RDX: variants seen among roughly 807,000 people sequenced by gnomAD.
RDX encodes radixin.
RDX carries 32 observed loss-of-function variants against 83.7 expected under a neutral mutation model. That is an observed-to-expected ratio of 0.38 (90% confidence interval 0.29 to 0.51). RDX has a LOEUF of 0.51. Among genes scored for constraint, RDX ranks in the 20% least tolerant of loss-of-function variants. RDX has a pLI of 0.87. For synonymous variants in RDX, 229 were observed against 222.7 expected (o/e 1.03, Z -0.25); for missense variants, 600 against 689.9 (o/e 0.87, Z 1.46).
At chr11:110,264,409 T>C (rs1565322820) in intron 4 of RDX, among the ~76,000 whole-genome samples, 175 bp from the exon 5 acceptor site, 1 of 152,224 alleles carries the variant, frequency 6.6e-6, no homozygotes, top group Non-Finnish European at 1.5e-5. Flanking sequence ...AAAGATTCTA[T>C]GCTCTTGAAT....
intron 15 of RDX, among the ~76,000 whole-genome samples, chr11:110,188,927 A>T (rs1171259953): frequency 1.3e-5 from 2 of 152,102 alleles, no homozygotes; most frequent in African/African-American, 4.8e-5. Context: ...AGACCCTATA[A>T]AGCAACCGCA....
At chr11:110,224,087 G>C (rs1220604386) in intron 14 of RDX, among the ~76,000 whole-genome samples, 2 of 152,040 alleles carry the variant, frequency 1.3e-5, no homozygotes, top group Non-Finnish European at 2.9e-5. Flanking sequence ...GTTGTTTAGA[G>C]TTGTCACAGC....
intron 14 of RDX, among the ~76,000 whole-genome samples, chr11:110,220,810 T>C (rs1372921540): frequency 6.7e-6 from 1 of 149,362 alleles, no homozygotes; most frequent in Non-Finnish European, 1.5e-5. Flanking sequence ...AGAGATTCTC[T>C]TAATGCCTGT....
At chr11:110,177,410 G>A (rs1862797726) in intron 15 of RDX, among the ~76,000 whole-genome samples, 1 of 152,228 alleles carries the variant, frequency 6.6e-6, no homozygotes, top group African/African-American at 2.4e-5. Context: ...ACAGGGTTGT[G>A]GGATGTTCAG....
chr11:110,186,235 C>G (rs1239544558), intron 15 of RDX, among the ~76,000 whole-genome samples: 1 of 152,130 alleles, frequency 6.6e-6, no homozygotes, highest in Non-Finnish European at 1.5e-5. Flanking sequence ...TCAGAGCATC[C>G]CAATGATAAA....
At chr11:110,260,185 C>A (rs1015211479) in intron 5 of RDX, among the ~76,000 whole-genome samples, 1 of 152,012 alleles carries the variant, frequency 6.6e-6, no homozygotes. Flanking sequence ...GGGGTTTCTC[C>A]ATGTTGGTCA....
intron 15 of RDX, among the ~76,000 whole-genome samples, chr11:110,188,405 G>A (rs184748371): frequency 1.3e-4 from 19 of 151,914 alleles, no homozygotes; most frequent in Admixed American, 2.6e-4. Context: ...AAATAACTCC[G>A]GAATGGAAAA....
rs386374875 is a variant in RDX at position 110,220,878 on chromosome 11, T to TAAAA, written c.1748+10991_1748+10994dup. On this transcript the variant is annotated intron_variant, in intron 14 of 15. Transcript: ENST00000528498. Reference sequence around the variant, plus strand: ...AAAACCTGGATCTAAACAGCCTCTGTAAAAAAAAAAAAAAAAAAAAAGTTT... The same window carrying TAAAA: ...AAAACCTGGATCTAAACAGCCTCTGTAAAAAAAAAAAAAAAAAAAAAAAAAGTTT... Among the ~76,000 whole-genome samples the TAAAA allele has an allele frequency of 1.6e-3, 180 of 109,270 alleles. 1 individual carries two copies. Among genetic ancestry groups the TAAAA allele is most frequent in the African/African-American group, 5.1e-3 (152 of 29,636 alleles). The allele number at this position is 109,270 out of a possible 152,430, so 71.7% of individuals were successfully genotyped here. A position where few individuals can be genotyped will look rare whatever the true frequency, so the allele number is the denominator to read the frequency against.
chr11:110,231,818 T>C lies in RDX; in HGVS notation c.*51A>G. 1.9e-6 allele frequency: 3 copies of C among 1,604,946 alleles called. No homozygotes were observed. The highest frequency in any genetic ancestry group is 1.3e-5 in the African/African-American group (1 of 74,888). ...CATCATATCTGCAAAGGCCTGCTTT[T>C]CTCTGTTGGTGGTTCAGCTTATGAA... On this transcript the variant is annotated 3_prime_UTR_variant, in exon 14 of 14. Transcript: ENST00000645495.
chr11:110,271,386 G>A (rs1363636147), intron 3 of RDX, among the ~76,000 whole-genome samples: 1 of 152,080 alleles, frequency 6.6e-6, no homozygotes, highest in East Asian at 1.9e-4. Context: ...CTAAGAAAAA[G>A]TGTACGTGAA....
At chr11:110,222,408 T>G (rs1421084856) in intron 14 of RDX, among the ~76,000 whole-genome samples, 1 of 152,232 alleles carries the variant, frequency 6.6e-6, no homozygotes, top group Non-Finnish European at 1.5e-5. Flanking sequence ...TCCAGAGGAT[T>G]AGGTTCTGGA....
chr11:110,225,654 T>C (rs542824569), downstream of RDX, among the ~76,000 whole-genome samples: 2 of 151,994 alleles, frequency 1.3e-5, no homozygotes, highest in Non-Finnish European at 2.9e-5. Context: ...AAAATAACAA[T>C]TGTTAGTGAG....
chr11:110,236,339 T>G, intron 11 of RDX, 148 bp from the exon 12 acceptor site: 1 of 627,664 alleles, frequency 1.6e-6, no homozygotes, highest in Non-Finnish European at 2.8e-6. Flanking sequence ...AGATCTTAAA[T>G]AGCTTATTTA....
chr11:110,188,530 G>A (rs1215511044), intron 15 of RDX, among the ~76,000 whole-genome samples: 1 of 151,862 alleles, frequency 6.6e-6, no homozygotes, highest in Non-Finnish European at 1.5e-5. Context: ...GGGGGGTGAG[G>A]GATAAAAGAC....
intron 7 of RDX, 50 bp from the exon 8 acceptor site, chr11:110,255,435 A>C: frequency 9.9e-7 from 1 of 1,006,016 alleles, no homozygotes; most frequent in Non-Finnish European, 1.6e-6. Context: ...ACAATGAATA[A>C]AATTCCTGTT....
downstream of RDX, among the ~76,000 whole-genome samples, chr11:110,225,104 T>C (rs1203134445): frequency 6.6e-6 from 1 of 152,224 alleles, no homozygotes; most frequent in African/African-American, 2.4e-5. Context: ...TACTTTCATT[T>C]CTACAGTCTA....
chr11:110,253,495 C>CA lies in RDX; in HGVS notation c.959+450dup, dbSNP rs201632870. 9.3e-3 allele frequency among the ~76,000 whole-genome samples: 1,411 copies of CA among 152,060 alleles called. 28 individuals carry two copies. The highest frequency in any genetic ancestry group is 0.031 in the African/African-American group (1,286 of 41,478). ...GTTTCTTTTTTAAGTCTAAGAGAAACAGAGTTAAAAAGATTAGGGTCTTTG... is the reference window on the plus strand; with the variant it reads ...GTTTCTTTTTTAAGTCTAAGAGAAACAAGAGTTAAAAAGATTAGGGTCTTTG... On this transcript the variant is annotated intron_variant, in intron 9 of 13. Transcript: ENST00000645495.
intron 10 of RDX, among the ~76,000 whole-genome samples, chr11:110,244,852 G>A (rs1054642101): frequency 3.9e-5 from 6 of 152,104 alleles, no homozygotes; most frequent in African/African-American, 1.2e-4. Flanking sequence ...GACTGTGTGA[G>A]GGCAGATAAT....
intron 14 of RDX, among the ~76,000 whole-genome samples, chr11:110,215,069 T>A (rs1226386301): frequency 2.1e-5 from 3 of 142,410 alleles, no homozygotes; most frequent in Admixed American, 7.0e-5. Flanking sequence ...TATATATATA[T>A]AATGCTTTCG....
Sources: gnomAD v4.1 joint callset for allele counts (sites outside exome capture counted in the v4.1 genomes callset) on GRCh38, gnomAD v4.1.1 for gene constraint, MANE v1.5 for transcripts, NCBI Gene and HGNC (gene_info 2026-07-23, HGNC 2026-07-21) for gene names.